Variants in CNTNAP2 observed in about 807,000 individuals in gnomAD.
CNTNAP2 encodes the protein contactin-associated protein-like 2.
Under a neutral mutation model 155.2 loss-of-function variants are expected in CNTNAP2, and 98 were observed. The ratio of observed to expected loss-of-function variants is 0.63; its 90% confidence interval spans 0.54 to 0.75. The LOEUF (loss-of-function observed/expected upper bound fraction) is 0.75. Ranked by LOEUF, CNTNAP2 falls within the 30% of genes least tolerant of loss-of-function variation. CNTNAP2 has a pLI of 0.00. For missense variants in CNTNAP2, 1,727 were observed against 1,688.1 expected (o/e 1.02, Z -0.40); for synonymous variants, 651 against 631.2 (o/e 1.03, Z -0.47).
chr7:147,368,103 C>T (rs926506738), intron 9 of CNTNAP2, among the ~76,000 whole-genome samples: 1 of 106,982 alleles, frequency 9.3e-6, no homozygotes, highest in Non-Finnish European at 1.9e-5. Flanking sequence ...CTGTCACACA[C>T]ACACACACAC....
intron 8 of CNTNAP2, among the ~76,000 whole-genome samples, chr7:147,202,550 A>T (rs527706521): frequency 1.1e-3 from 167 of 152,274 alleles, no homozygotes; most frequent in Middle Eastern, 6.8e-3. Flanking sequence ...AGATATTAGG[A>T]GAGGCCCCAA....
At chr7:146,929,636 A>G (rs563704821) in intron 3 of CNTNAP2, among the ~76,000 whole-genome samples, 1 of 152,168 alleles carries the variant, frequency 6.6e-6, no homozygotes, top group African/African-American at 2.4e-5. Flanking sequence ...TGATCAAACT[A>G]CTCCGAGCTA....
intron 1 of CNTNAP2, among the ~76,000 whole-genome samples, chr7:146,716,220 A>AG (rs1801184928): frequency 6.6e-6 from 1 of 151,694 alleles, no homozygotes; most frequent in Non-Finnish European, 1.5e-5. Flanking sequence ...CAGGAAAAAA[A>AG]AAAAAAAAAA....
At chr7:148,150,300 G>A (rs956092593) in intron 17 of CNTNAP2, among the ~76,000 whole-genome samples, 2 of 152,080 alleles carry the variant, frequency 1.3e-5, no homozygotes, top group African/African-American at 2.4e-5. Flanking sequence ...CGTAATCCCA[G>A]CACTTTGGGA....
chr7:147,399,481 A>G (rs1796877566), intron 10 of CNTNAP2, among the ~76,000 whole-genome samples: 1 of 152,152 alleles, frequency 6.6e-6, no homozygotes, highest in African/African-American at 2.4e-5. Flanking sequence ...TTTACAAATT[A>G]GATGTGGGGT....
intron 21 of CNTNAP2, among the ~76,000 whole-genome samples, chr7:148,296,163 C>T (rs1362445710): frequency 1.3e-5 from 2 of 152,102 alleles, no homozygotes; most frequent in Admixed American, 6.6e-5. Flanking sequence ...ATGAAGCTTT[C>T]TCCAATTTTT....
intron 15 of CNTNAP2, among the ~76,000 whole-genome samples, chr7:148,111,643 A>T (rs769315555): frequency 1.6e-4 from 25 of 152,276 alleles, no homozygotes; most frequent in Middle Eastern, 3.4e-3. Flanking sequence ...GGCAATCATG[A>T]AGTTCCAATT....
At chr7:147,939,619 G>A (rs946508403) in intron 14 of CNTNAP2, among the ~76,000 whole-genome samples, 23 of 152,224 alleles carry the variant, frequency 1.5e-4, no homozygotes, top group African/African-American at 5.3e-4. Context: ...GAGCCACCAC[G>A]CCTGGCCTCA....
At chr7:146,722,858 T>C (rs550349077) in intron 1 of CNTNAP2, among the ~76,000 whole-genome samples, 1 of 152,006 alleles carries the variant, frequency 6.6e-6, no homozygotes, top group African/African-American at 2.4e-5. Context: ...CTACTAAAAA[T>C]ACAAAAATTA....
chr7:147,336,594 AT>A (rs751000516), intron 9 of CNTNAP2, among the ~76,000 whole-genome samples: 5 of 152,144 alleles, frequency 3.3e-5, no homozygotes, highest in Non-Finnish European at 7.3e-5. Context: ...AGATCTTGGA[AT>A]CCTTCTAGGA....
chr7:147,697,832 AACATT>A (rs1796185391), intron 13 of CNTNAP2, among the ~76,000 whole-genome samples: 1 of 152,184 alleles, frequency 6.6e-6, no homozygotes, highest in African/African-American at 2.4e-5. Flanking sequence ...TCAAAATGGT[AACATT>A]TCCTTTCTCC....
intron 10 of CNTNAP2, among the ~76,000 whole-genome samples, chr7:147,437,347 A>G (rs1375044122): frequency 6.6e-6 from 1 of 151,988 alleles, no homozygotes; most frequent in East Asian, 1.9e-4. Context: ...ATCTAGCTAA[A>G]CCCTGTCCTT....
chr7:148,041,644 A>G (rs966374956), intron 15 of CNTNAP2, among the ~76,000 whole-genome samples: 7 of 152,346 alleles, frequency 4.6e-5, no homozygotes, highest in Admixed American at 4.6e-4. Flanking sequence ...GTTCATGCAA[A>G]TGCATAACTA....
intron 13 of CNTNAP2, among the ~76,000 whole-genome samples, chr7:147,708,641 G>T (rs1796354381): frequency 6.6e-6 from 1 of 152,088 alleles, no homozygotes; most frequent in Non-Finnish European, 1.5e-5. Context: ...TGAGTTCATG[G>T]TGGGAACCTG....
At chr7:148,275,850 G>A (rs1184282363) in intron 21 of CNTNAP2, among the ~76,000 whole-genome samples, 1 of 152,212 alleles carries the variant, frequency 6.6e-6, no homozygotes, top group Non-Finnish European at 1.5e-5. Flanking sequence ...TTCCAAGAGA[G>A]AGGAAGCAGA....
At chr7:146,558,013 C>T (rs1798221951) in intron 1 of CNTNAP2, among the ~76,000 whole-genome samples, 1 of 152,122 alleles carries the variant, frequency 6.6e-6, no homozygotes, top group Non-Finnish European at 1.5e-5. Flanking sequence ...TTAATTAAGT[C>T]TCAACCTTTG....
chr7:148,328,792 ATGGTG>A (rs1437760854), intron 21 of CNTNAP2, among the ~76,000 whole-genome samples: 2 of 600 alleles, frequency 3.3e-3, no homozygotes, highest in Non-Finnish European at 9.7e-3. Context: ...ACATGGTGAA[ATGGTG>A]AAACCCCATC....
At chr7:147,441,611 C>CT (rs1797636487) in intron 10 of CNTNAP2, among the ~76,000 whole-genome samples, 1 of 152,086 alleles carries the variant, frequency 6.6e-6, no homozygotes, top group Non-Finnish European at 1.5e-5. Context: ...CTTGGGAAGG[C>CT]TTTCCAGGTA....
intron 10 of CNTNAP2, among the ~76,000 whole-genome samples, chr7:147,458,023 G>A (rs555036584): frequency 1.3e-5 from 2 of 152,024 alleles, no homozygotes; most frequent in Non-Finnish European, 2.9e-5. Flanking sequence ...GCACTCCATG[G>A]TTTATTATGG....
Sources: allele counts gnomAD v4.1 joint callset (sites outside exome capture counted in the v4.1 genomes callset), GRCh38; gene constraint gnomAD v4.1.1; transcripts MANE v1.5; gene names NCBI Gene and HGNC (gene_info 2026-07-23, HGNC 2026-07-21).